COG6: variants seen among roughly 807,000 people sequenced by gnomAD.
COG6 encodes the protein conserved oligomeric Golgi complex subunit 6.
Under a neutral mutation model 88.8 loss-of-function variants are expected in COG6, and 74 were observed. The ratio of observed to expected loss-of-function variants is 0.83; its 90% CI spans 0.69 to 1.01. The LOEUF (loss-of-function observed/expected upper bound fraction) is 1.01, where lower values mean the gene tolerates loss of function less well. Ranked by LOEUF, COG6 falls within the 50% of genes least tolerant of loss-of-function variation. The pLI is 0.00. For synonymous variants in COG6, 286 were observed against 278.7 expected (o/e 1.03, Z -0.26); for missense variants, 800 against 797.9 (o/e 1.00, Z -0.03).
At chr13:39,745,793 T>C (rs941202671) in intron 18 of COG6, among the ~76,000 whole-genome samples, 1 of 152,144 alleles carries the variant, frequency 6.6e-6, no homozygotes, top group Non-Finnish European at 1.5e-5. Context: ...CGTATGTTTA[T>C]TGAGGCACTA....
intron 4 of COG6, among the ~76,000 whole-genome samples, chr13:39,669,004 G>A (rs537858826): frequency 1.7e-5 from 2 of 119,294 alleles, no homozygotes; most frequent in Admixed American, 9.9e-5. Context: ...TCCTGAATGC[G>A]CCACCATAGT....
intron 10 of COG6, among the ~76,000 whole-genome samples, chr13:39,689,506 T>G (rs943398533): frequency 6.6e-6 from 1 of 152,090 alleles, no homozygotes; most frequent in Non-Finnish European, 1.5e-5. Flanking sequence ...AAAGAAATAT[T>G]TATTTTATTA....
At position 39,684,315 on chromosome 13, in the gene COG6, C is replaced by T. The variant is rs112913738; in HGVS notation, c.788+2051C>T. Among the ~76,000 whole-genome samples, 687 of 120,750 alleles carry T rather than the reference C, an allele frequency of 5.7e-3. 6 individuals carry two copies. Among genetic ancestry groups the T allele is most frequent in the Admixed American group, 7.1e-3 (70 of 9,796 alleles). The allele number at this position is 120,750 out of a possible 152,430, so 79.2% of individuals were successfully genotyped here. On this transcript the variant is annotated intron_variant, in intron 8 of 18. Coordinates refer to ENST00000455146, the MANE Select transcript of COG6 (RefSeq NM_020751.3). ...CCAGGCTGGAGTGCAGTGACGCAAT[C>T]TCGGCTCACTGCAGGCTCCGCCCCC...
At chr13:39,770,238 A>G (rs542608456) in intron 18 of COG6, among the ~76,000 whole-genome samples, 56 of 152,302 alleles carry the variant, frequency 3.7e-4, no homozygotes, top group African/African-American at 1.2e-3. Flanking sequence ...GTGGAATGCC[A>G]CTGACCTCAG....
At chr13:39,753,693 ATCT>A (rs1195153616), downstream of COG6, among the ~76,000 whole-genome samples, 4 of 151,774 alleles carry the variant, frequency 2.6e-5, no homozygotes, top group Non-Finnish European at 2.9e-5. Context: ...CGCATCTCTC[ATCT>A]TCTTATTAGA....
intron 18 of COG6, among the ~76,000 whole-genome samples, chr13:39,778,664 T>C (rs1881541210): frequency 6.6e-6 from 1 of 152,236 alleles, no homozygotes; most frequent in Non-Finnish European, 1.5e-5. Flanking sequence ...TATTTCACAG[T>C]TTCTCTAAGT....
chr13:39,748,352 T>C (rs994448196), intron 18 of COG6, among the ~76,000 whole-genome samples: 3 of 152,254 alleles, frequency 2.0e-5, no homozygotes, highest in South Asian at 2.1e-4. Flanking sequence ...CAGTGGCTCA[T>C]GCCTGTAATC....
intron 13 of COG6, among the ~76,000 whole-genome samples, chr13:39,700,763 G>C (rs763559257): frequency 3.2e-4 from 48 of 151,792 alleles, no homozygotes; most frequent in Non-Finnish European, 3.7e-4. Context: ...ATTTATGAAA[G>C]ACATGTGCCT....
chr13:39,747,028 A>G (rs1429676643), intron 18 of COG6, among the ~76,000 whole-genome samples: 1 of 152,210 alleles, frequency 6.6e-6, no homozygotes, highest in Admixed American at 6.5e-5. Flanking sequence ...AAAGTACCTT[A>G]TAAAGATTAA....
intron 6 of COG6, 120 bp from the exon 7 acceptor site, chr13:39,679,855 C>T (rs1203207099): frequency 4.3e-6 from 3 of 690,076 alleles, no homozygotes; most frequent in Non-Finnish European, 7.7e-6. Context: ...ATTGAAAAAT[C>T]ATCCCATAAA....
exon 19 of COG6, chr13:39,788,517 T>A: frequency 6.0e-6 from 4 of 661,840 alleles, no homozygotes; most frequent in South Asian, 3.9e-5. Flanking sequence ...CTGGTGGAAA[T>A]GCTGTGAGGG....
downstream of COG6, among the ~76,000 whole-genome samples, chr13:39,754,250 C>T (rs1880760816): frequency 6.6e-6 from 1 of 152,108 alleles, no homozygotes; most frequent in Non-Finnish European, 1.5e-5. Context: ...GGATTTGTTA[C>T]TTCAACCTTT....
At chr13:39,703,893 A>C (rs1877728689) in intron 13 of COG6, among the ~76,000 whole-genome samples, 1 of 151,368 alleles carries the variant, frequency 6.6e-6, no homozygotes, top group African/African-American at 2.4e-5. Context: ...TGCCCAGCTA[A>C]TTTAAATTTT....
At chr13:39,754,844 G>A (rs1288378198), downstream of COG6, among the ~76,000 whole-genome samples, 1 of 152,162 alleles carries the variant, frequency 6.6e-6, no homozygotes, top group East Asian at 1.9e-4. Flanking sequence ...GAGTGCTTGT[G>A]CATGTTGGCA....
At chr13:39,764,149 T>C (rs1881101256) in intron 18 of COG6, among the ~76,000 whole-genome samples, 1 of 151,916 alleles carries the variant, frequency 6.6e-6, no homozygotes, top group Admixed American at 6.6e-5. Context: ...TTTTGCAAGG[T>C]ATATGTCCAT....
intron 18 of COG6, among the ~76,000 whole-genome samples, chr13:39,738,927 A>T (rs2138118787): frequency 6.6e-6 from 1 of 152,274 alleles, no homozygotes; most frequent in Admixed American, 6.5e-5. Context: ...GTATCAAGAA[A>T]TACAGTTAGA....
chr13:39,753,155 A>G (rs1880723673), downstream of COG6, among the ~76,000 whole-genome samples: 1 of 152,194 alleles, frequency 6.6e-6, no homozygotes, highest in Non-Finnish European at 1.5e-5. Flanking sequence ...AGGGGATGGT[A>G]TTAGGAGGTG....
At chr13:39,665,915 G>T (rs1875229379) in intron 4 of COG6, among the ~76,000 whole-genome samples, 1 of 152,170 alleles carries the variant, frequency 6.6e-6, no homozygotes, top group African/African-American at 2.4e-5. Flanking sequence ...ATGGCCACAG[G>T]CCAAATCCAG....
chr13:39,760,813 A>G (rs1174811575), intron 18 of COG6, among the ~76,000 whole-genome samples: 1 of 151,994 alleles, frequency 6.6e-6, no homozygotes, highest in Non-Finnish European at 1.5e-5. Flanking sequence ...TCATACATCA[A>G]ATTCCCATAT....
Sources: gnomAD v4.1 joint callset for allele counts (sites outside exome capture counted in the v4.1 genomes callset) on GRCh38, gnomAD v4.1.1 for gene constraint, MANE v1.5 for transcripts, NCBI Gene and HGNC (gene_info 2026-07-23, HGNC 2026-07-21) for gene names.